The following EMILIN1 variants were observed in gnomAD, a reference collection of about 807,000 sequenced individuals.
EMILIN1 encodes the protein EMILIN-1.
EMILIN1 carries 49 observed loss-of-function variants against 82.4 expected under a neutral mutation model. That is an observed-to-expected ratio of 0.59 (90% CI 0.47 to 0.75). The LOEUF is 0.75. Ranked by LOEUF, EMILIN1 falls within the 30% of genes least tolerant of loss-of-function variation. EMILIN1 has a pLI of 0.00. For missense variants in EMILIN1, 1,313 were observed against 1,366.4 expected (o/e 0.96, Z 0.62); for synonymous variants, 604 against 602.2 (o/e 1.00, Z -0.04).
Position 27,079,208 on chromosome 2 carries a change from T to G in EMILIN1, c.143T>G (p.Ile48Ser). 1 of 1,578,236 alleles carries G rather than the reference T, an allele frequency of 6.3e-7. No individual in the cohort carries two copies. Among genetic ancestry groups the G allele is most frequent in the Non-Finnish European group, 8.6e-7 (1 of 1,167,784 alleles). ...AGCCCCGGGGGGCCCCAGGCCCAGATTGCCCCCCGGCCAGCCAGCCGCCAC... is the reference window on the plus strand; with the variant it reads ...AGCCCCGGGGGGCCCCAGGCCCAGAGTGCCCCCCGGCCAGCCAGCCGCCAC... ...ALSPGGPQAQ[I>S]APRPASRHRN... The change falls in exon 1 of 8, where the codon ATT (isoleucine) becomes AGT (serine). Residue 48 changes from isoleucine (I) to serine (S), a missense_variant. Physicochemically the swap from Ile to Ser is moderately radical, Grantham distance 142 (BLOSUM62 -2). Coordinates refer to ENST00000380320, the MANE Select transcript of EMILIN1 (RefSeq NM_007046.4).
chr2:27,080,253 G>C lies in EMILIN1; in HGVS notation c.273G>C (p.Gln91His), dbSNP rs1669450600. 1.2e-6 allele frequency: 2 copies of C among 1,614,118 alleles called. No homozygotes were observed. The highest frequency in any genetic ancestry group is 1.7e-6 in the Non-Finnish European group (2 of 1,179,950). ...AGCCTTGTGCCTGGGGCCAGCCCCAGTGTCCCCAAAGCATCATGTGAGTCC... is the reference window on the plus strand; with the variant it reads ...AGCCTTGTGCCTGGGGCCAGCCCCACTGTCCCCAAAGCATCATGTGAGTCC... Reference protein sequence around the residue: ...KYQPCAWGQPQCPQSIMYRRF... With the variant: ...KYQPCAWGQPHCPQSIMYRRF... Residue 91 changes from glutamine (Q) to histidine (H), a missense_variant, in exon 2 of 8, where the codon CAG (glutamine) becomes CAC (histidine). By Grantham distance (24) the Gln-to-His change is conservative. Coordinates refer to ENST00000380320, the MANE Select transcript of EMILIN1 (RefSeq NM_007046.4).
At position 27,083,458 on chromosome 2, in the gene EMILIN1, C is replaced by T. The variant is rs1669524016; in HGVS notation, c.1887C>T (p.Phe629=). The change falls in exon 4 of 8, where the codon TTC becomes TTT. Residue 629 remains phenylalanine (F), a synonymous_variant. Transcript: ENST00000380320. ...CAAGCCGTGGGCCCCTGGACGGCTT[C>T]AGCGTGTTTGGGGGCAGCTCAGGCT... ...GGPSRGPLDG[F]SVFGGSSGSA... 1 of 1,613,086 alleles carries T rather than the reference C, an allele frequency of 6.2e-7. No homozygotes were observed. Among genetic ancestry groups the T allele is most frequent in the Non-Finnish European group, 8.5e-7 (1 of 1,179,804 alleles).
rs1669511742 is a variant in EMILIN1, at chr2:27,083,033, G to A, written c.1462G>A (p.Glu488Lys). The part of the protein sequence containing the change: ...CGQLCSGAPG[E>K]QDSQVSEILS... ...GCAGCTCTGCTCTGGGGCCCCTGGGGAGCAGGACTCTCAAGTCAGCGAGAT... is the reference window on the plus strand; with the variant it reads ...GCAGCTCTGCTCTGGGGCCCCTGGGAAGCAGGACTCTCAAGTCAGCGAGAT... The change falls in exon 4 of 8, where the codon GAG (glutamate) becomes AAG (lysine). Residue 488 changes from glutamate (E) to lysine (K), a missense_variant. Transcript: ENST00000380320. 2 of 1,548,608 alleles carry A rather than the reference G, an allele frequency of 1.3e-6. No individual in the cohort carries two copies. The highest frequency in any genetic ancestry group is 1.7e-6 in the Non-Finnish European group (2 of 1,147,462).
Position 27,083,067 on chromosome 2 carries a change from C to A in EMILIN1, c.1496C>A (p.Ala499Asp), listed in dbSNP as rs765962001. 41 of 1,547,328 alleles carry A rather than the reference C, an allele frequency of 2.6e-5. No individual in the cohort carries two copies. In the South Asian group the frequency reaches 5.1e-4, roughly 19 times the overall value. Reference protein sequence around the residue: ...QDSQVSEILSALERRVLDSEG... With the variant: ...QDSQVSEILSDLERRVLDSEG... The stretch of plus-strand genomic sequence containing the variant: ...TCTCAAGTCAGCGAGATCCTCAGTG[C>A]CTTGGAGCGCAGGGTGCTGGACAGT... The change falls in exon 4 of 8, where the codon GCC becomes GAC. Residue 499 changes from alanine to aspartate, a missense_variant. Physicochemically the swap from Ala to Asp is moderately radical, Grantham distance 126. Coordinates refer to ENST00000380320, the MANE Select transcript of EMILIN1 (RefSeq NM_007046.4).
In EMILIN1 at chr2:27,080,870, A is replaced by G; in HGVS notation, c.429A>G (p.Thr143=). The G allele has an allele frequency of 6.2e-7, 1 of 1,610,528 alleles. No individual in the cohort carries two copies. The highest frequency in any genetic ancestry group is 8.5e-7 in the Non-Finnish European group (1 of 1,178,800). Residue 143 remains threonine (T), a synonymous_variant, in exon 3 of 8, where the codon ACA becomes ACG. Coordinates refer to ENST00000380320, the MANE Select transcript of EMILIN1 (RefSeq NM_007046.4). Reference sequence around the variant, plus strand: ...CAGCGCTGGGGCCTGCGTCTTCCACACCACGGCCCCTGGCCCGGCCTGCCC... The same window carrying G: ...CAGCGCTGGGGCCTGCGTCTTCCACGCCACGGCCCCTGGCCCGGCCTGCCC... ...PAPALGPASS[T]PRPLARPARP...
Position 27,078,929 on chromosome 2 carries a change from G to T in EMILIN1, c.-137G>T. The T allele has an allele frequency of 1.7e-6, 1 of 602,764 alleles. No individual in the cohort carries two copies. The highest frequency in any genetic ancestry group is 2.7e-6 in the Non-Finnish European group (1 of 368,052). 37.3% of individuals were successfully genotyped at this position (602,764 alleles called of 1,614,324 possible). A position where few individuals can be genotyped will look rare whatever the true frequency, so the allele number is the denominator to read the frequency against. ...GCAGCCAAGGAGAAGACGTGTGGCC[G>T]GGGGCTATCAGAAGGAAACTGGGAC... On this transcript the variant is annotated 5_prime_UTR_variant, in exon 1 of 8. Coordinates refer to ENST00000380320, the MANE Select transcript of EMILIN1 (RefSeq NM_007046.4).
intron 3 of EMILIN1, 113 bp from the exon 4 acceptor site, chr2:27,081,970 C>A: frequency 1.5e-6 from 2 of 1,337,202 alleles, no homozygotes; most frequent in South Asian, 1.6e-5. Flanking sequence ...CAAAATCACC[C>A]AAAGGAGAGG....
Position 27,086,030 on chromosome 2 carries a change from C to T in EMILIN1, c.*15C>T. On this transcript the variant is annotated 3_prime_UTR_variant, in exon 8 of 8. Coordinates refer to ENST00000380320, the MANE Select transcript of EMILIN1 (RefSeq NM_007046.4). ...AACACGCGTAGACTGGGGTCCCGCC[C>T]GACGTGTCTACGTCGGCTGAAGAGA... 1 of 1,422,760 alleles carries T rather than the reference C, an allele frequency of 7.0e-7. No individual in the cohort carries two copies. The allele number at this position is 1,422,760 out of a possible 1,614,324, so 88.1% of individuals were successfully genotyped here. A position where few individuals can be genotyped will look rare whatever the true frequency, so the allele number is the denominator to read the frequency against.
Position 27,080,838 on chromosome 2 carries a change from C to T in EMILIN1, c.397C>T (p.Pro133Ser). 6.2e-7 allele frequency: 1 copy of T among 1,612,734 alleles called. No individual in the cohort carries two copies. Among genetic ancestry groups the T allele is most frequent in the Non-Finnish European group, 8.5e-7 (1 of 1,179,650 alleles). The change falls in exon 3 of 8, where the codon CCC becomes TCC. Residue 133 changes from proline (P) to serine (S), a missense_variant. By Grantham distance (74) the Pro-to-Ser change is moderately conservative. Transcript: ENST00000380320. ...TGGGGGCGATGACTGTGCTGAGAGT[C>T]CCGCTCCAGCGCTGGGGCCTGCGTC... Reference protein sequence around the residue: ...GYGGDDCAESPAPALGPASST... With the variant: ...GYGGDDCAESSAPALGPASST...
In EMILIN1 at chr2:27,083,911, C is replaced by A. The variant is rs568857625; in HGVS notation, c.2340C>A (p.Val780=). The A allele has an allele frequency of 6.2e-7, 1 of 1,607,558 alleles. No individual in the cohort carries two copies. The highest frequency in any genetic ancestry group is 1.1e-5 in the South Asian group (1 of 90,612). The change falls in exon 4 of 8, where the codon GTC becomes GTA. Residue 780 remains valine, a synonymous_variant. Coordinates refer to ENST00000380320, the MANE Select transcript of EMILIN1 (RefSeq NM_007046.4). ...QMQAALLEKL[V]GGQAGLGRRL... ...AGGCAGCCCTGCTGGAGAAGCTGGT[C>A]GGGGGACAGGCGGGCCTGGGCAGGC... is the stretch of plus-strand genomic sequence containing the variant.
chr2:27,086,065 C>A lies in EMILIN1; in HGVS notation c.*50C>A. ...ACGTCGGCTGAAGAGACAGCGGGGG[C>A]GGCGGGCTCCTGGGGTCTCGCCTGA... On this transcript the variant is annotated 3_prime_UTR_variant, in exon 8 of 8. Transcript: ENST00000380320. 7.5e-7 allele frequency: 1 copy of A among 1,338,744 alleles called. No individual in the cohort carries two copies. The highest frequency in any genetic ancestry group is 3.0e-5 in the Admixed American group (1 of 33,282). The allele number at this position is 1,338,744 out of a possible 1,614,324, so 82.9% of individuals were successfully genotyped here.
chr2:27,085,380 A>C, intron 7 of EMILIN1, 83 bp downstream of exon 7: 1 of 1,531,270 alleles, frequency 6.5e-7, no homozygotes, highest in Non-Finnish European at 9.0e-7. Flanking sequence ...GCCTTTTCCG[A>C]CAGTGTGAAT....
intron 6 of EMILIN1, 59 bp downstream of exon 6, chr2:27,085,067 T>C (rs183213059): frequency 6.2e-7 from 1 of 1,612,926 alleles, no homozygotes; most frequent in East Asian, 2.2e-5. Context: ...AGGATAGAGG[T>C]CCTCGGGCAG....
chr2:27,079,006 G>A lies in EMILIN1; in HGVS notation c.-60G>A, dbSNP rs1184650644. On this transcript the variant is annotated 5_prime_UTR_variant, in exon 1 of 8. Coordinates refer to ENST00000380320, the MANE Select transcript of EMILIN1 (RefSeq NM_007046.4). ...TGGAGCAGCAGCATCCCCGGGGCCG[G>A]CAGAGGCGCCAGTGGCTGGGCGGGA... 1.5e-6 allele frequency: 2 copies of A among 1,351,204 alleles called. No homozygotes were observed. The highest frequency in any genetic ancestry group is 1.5e-5 in the African/African-American group (1 of 65,316). The allele number at this position is 1,351,204 out of a possible 1,614,324, so 83.7% of individuals were successfully genotyped here. A position where few individuals can be genotyped will look rare whatever the true frequency, so the allele number is the denominator to read the frequency against.
chr2:27,083,190 G>A lies in EMILIN1; in HGVS notation c.1619G>A (p.Gly540Asp). ...CTGGAGGGATTACAAGAGGTTGTGG[G>A]CCGGCTCCAGGATCGTGTGGATGCC... ...ATLEGLQEVV[G>D]RLQDRVDAQD... Residue 540 changes from glycine (G) to aspartate (D), a missense_variant, in exon 4 of 8, where the codon GGC becomes GAC. Transcript: ENST00000380320. 1 of 1,611,338 alleles carries A rather than the reference G, an allele frequency of 6.2e-7. No homozygotes were observed. The highest frequency in any genetic ancestry group is 2.2e-5 in the East Asian group (1 of 44,804).
Position 27,085,016 on chromosome 2 carries a change from C to A in EMILIN1, c.2575+8C>A, listed in dbSNP as rs749007460. 1 of 1,613,810 alleles carries A rather than the reference C, an allele frequency of 6.2e-7. No individual in the cohort carries two copies. The highest frequency in any genetic ancestry group is 1.7e-4 in the Middle Eastern group (1 of 6,034). ...GTCCTCAAGGTGAACAGGGTGAGTG[C>A]CTTTCATTTGATTCTGGAGGGAGAA... On this transcript the variant is annotated splice_region_variant and intron_variant, in intron 6 of 7. Transcript: ENST00000380320.
rs1254888727 is a variant in EMILIN1, at chr2:27,083,621, C to T, written c.2050C>T (p.Arg684Cys). 5.6e-6 allele frequency: 9 copies of T among 1,612,456 alleles called. No individual in the cohort carries two copies. Among genetic ancestry groups the T allele is most frequent in the African/African-American group, 5.3e-5 (4 of 74,920 alleles). ...DLADLGATKD[R>C]IISEINRLQQ... ...GGCTGACCTGGGGGCAACCAAGGAC[C>T]GTATCATTTCTGAGATTAACAGGCT... Residue 684 changes from arginine to cysteine, a missense_variant, in exon 4 of 8, where the codon CGT becomes TGT. Transcript: ENST00000380320.
rs778862004 is a variant in EMILIN1 at position 27,082,866 on chromosome 2, C to A, written c.1295C>A (p.Pro432His). The A allele has an allele frequency of 6.3e-7, 1 of 1,589,280 alleles. No individual in the cohort carries two copies. Among genetic ancestry groups the A allele is most frequent in the South Asian group, 1.1e-5 (1 of 89,136 alleles). Residue 432 changes from proline to histidine, a missense_variant, in exon 4 of 8, where the codon CCT becomes CAT. Coordinates refer to ENST00000380320, the MANE Select transcript of EMILIN1 (RefSeq NM_007046.4). ...CAGGAGGAGAGCTGGCCTGGGGCTC[C>A]TGGGGGGCTGAGCCACTGGCTGCCT... ...EEQEESWPGA[P>H]GGLSHWLPAA...
At chr2:27,079,338 GGA>G (rs1669436663) in intron 1 of EMILIN1, 103 bp downstream of exon 1, 40 of 1,021,326 alleles carry the variant, frequency 3.9e-5, no homozygotes, top group Non-Finnish European at 5.3e-5. Context: ...GGGCAGAGGG[GGA>G]GTGAGAAGCC....
Sources: gnomAD v4.1 joint callset for allele counts on GRCh38, gnomAD v4.1.1 for gene constraint, MANE v1.5 for transcripts, NCBI Gene and HGNC (gene_info 2026-07-23, HGNC 2026-07-21) for gene names.